The following THADA variants were observed in gnomAD, a reference collection of about 807,000 sequenced individuals.
The protein encoded by THADA is tRNA (32-2'-O)-methyltransferase regulator THADA.
In THADA, 213 loss-of-function variants were observed where a neutral mutation model predicts 219.8. That is an observed-to-expected ratio of 0.97 (90% CI 0.87 to 1.09). The LOEUF (loss-of-function observed/expected upper bound fraction) is 1.09. THADA is among the 50% of genes least tolerant of loss of function. The pLI is 0.00. For missense variants in THADA, 2,956 were observed against 2,311.3 expected (o/e 1.28, Z -5.72); for synonymous variants, 1,018 against 828.9 (o/e 1.23, Z -3.92).
intron 31 of THADA, among the ~76,000 whole-genome samples, chr2:43,312,939 T>G (rs1238298338): frequency 1.3e-5 from 2 of 152,178 alleles, no homozygotes; most frequent in Non-Finnish European, 2.9e-5. Context: ...TTTGTTAAAA[T>G]GGAAATAGTT....
chr2:43,344,759 G>GTTTT lies in THADA; in HGVS notation c.4228-526_4228-523dup, dbSNP rs1242915350. Among the ~76,000 whole-genome samples the GTTTT allele has an allele frequency of 1.3e-5, 2 of 149,386 alleles. 1 individual carries two copies. Among genetic ancestry groups the GTTTT allele is most frequent in the African/African-American group, 5.0e-5 (2 of 40,186 alleles). ...GCAGTGATGTTTGTAACTATTTAGG[G>GTTTT]TTTTTTTTGTTTTTTTTTTTTAGCA... On this transcript the variant is annotated intron_variant, in intron 29 of 37. Transcript: ENST00000405975.
intron 34 of THADA, among the ~76,000 whole-genome samples, chr2:43,290,404 T>C (rs1674556732): frequency 6.6e-6 from 1 of 152,108 alleles, no homozygotes; most frequent in African/African-American, 2.4e-5. Context: ...CTCCCTGGCT[T>C]GCCTTTGAGT....
At chr2:43,576,603 T>C (rs1699883936) in intron 10 of THADA, among the ~76,000 whole-genome samples, 1 of 152,228 alleles carries the variant, frequency 6.6e-6, no homozygotes, top group Non-Finnish European at 1.5e-5. Flanking sequence ...ATTGAAAATG[T>C]TAAAAATTAA....
chr2:43,295,237 A>C (rs1675232781), intron 31 of THADA, among the ~76,000 whole-genome samples: 1 of 152,274 alleles, frequency 6.6e-6, no homozygotes, highest in Non-Finnish European at 1.5e-5. Context: ...GTAGTTGGCA[A>C]ACTTCAATTT....
chr2:43,459,344 C>G (rs921762933), intron 26 of THADA, among the ~76,000 whole-genome samples: 1 of 151,598 alleles, frequency 6.6e-6, no homozygotes, highest in African/African-American at 2.4e-5. Flanking sequence ...CTCCCCCAAT[C>G]CCAGATTATA....
chr2:43,320,650 C>A, intron 30 of THADA, 110 bp from the exon 31 acceptor site: 1 of 672,168 alleles, frequency 1.5e-6, no homozygotes, highest in Non-Finnish European at 2.5e-6. Context: ...GCTTAAGCAG[C>A]TATGGCAAAT....
chr2:43,490,358 C>A (rs996351229), intron 25 of THADA, among the ~76,000 whole-genome samples: 4 of 152,134 alleles, frequency 2.6e-5, no homozygotes, highest in Non-Finnish European at 4.4e-5. Context: ...CTACTAGGAA[C>A]TCCAGTACAA....
At chr2:43,556,262 T>C (rs1170361355) in intron 17 of THADA, 83 bp downstream of exon 17, 21 of 1,540,382 alleles carry the variant, frequency 1.4e-5, no homozygotes, top group African/African-American at 1.2e-4. Context: ...CCACAAAATA[T>C]ATGTTTAACC....
At position 43,508,574 on chromosome 2, in the gene THADA, C is replaced by T. The variant is rs6761129; in HGVS notation, c.3507+74G>A. On this transcript the variant is annotated intron_variant, in intron 23 of 37. Transcript: ENST00000405975. ...TTTATGTGTAATACGCTCACTCACACGTCAAACAGGTTAGGATACACTATC... is the reference window on the plus strand; with the variant it reads ...TTTATGTGTAATACGCTCACTCACATGTCAAACAGGTTAGGATACACTATC... 0.12 allele frequency: 171,480 copies of T among 1,464,228 alleles called. 12,734 individuals are homozygous for T. Among genetic ancestry groups the T allele is most frequent in the African/African-American group, 0.35 (24,999 of 70,994 alleles). The allele number at this position is 1,464,228 out of a possible 1,614,324, so 90.7% of individuals were successfully genotyped here. A position where few individuals can be genotyped will look rare whatever the true frequency, so the allele number is the denominator to read the frequency against.
chr2:43,262,637 GT>G (rs1458428713), intron 36 of THADA, among the ~76,000 whole-genome samples: 2 of 152,126 alleles, frequency 1.3e-5, no homozygotes, highest in Non-Finnish European at 2.9e-5. Context: ...CTAAGTTCGT[GT>G]TTTTTTCCTT....
chr2:43,288,326 G>A (rs1239769248), intron 34 of THADA, among the ~76,000 whole-genome samples: 1 of 152,230 alleles, frequency 6.6e-6, no homozygotes, highest in Non-Finnish European at 1.5e-5. Flanking sequence ...GCTGAGGCAT[G>A]GGAACTGCTT....
chr2:43,529,308 G>T (rs370424404), intron 21 of THADA, among the ~76,000 whole-genome samples: 10 of 152,122 alleles, frequency 6.6e-5, no homozygotes, highest in Non-Finnish European at 8.8e-5. Context: ...AGCTAGGACT[G>T]TAAGTGTATG....
chr2:43,359,077 T>C (rs552225348), intron 29 of THADA, among the ~76,000 whole-genome samples: 3 of 152,314 alleles, frequency 2.0e-5, no homozygotes, highest in African/African-American at 7.2e-5. Flanking sequence ...GGAACATCTG[T>C]TGCATCCATT....
chr2:43,281,521 A>G (rs1217307873), intron 35 of THADA, among the ~76,000 whole-genome samples: 5 of 148,266 alleles, frequency 3.4e-5, no homozygotes, highest in Non-Finnish European at 7.4e-5. Flanking sequence ...GGCTCACCGC[A>G]ACCTCCACCT....
rs572727900 is a variant in THADA at position 43,428,193 on chromosome 2, A to G, written c.3965T>C (p.Leu1322Pro). Residue 1322 changes from leucine to proline, a missense_variant, in exon 28 of 38, where the codon CTC (leucine) becomes CCC (proline). Transcript: ENST00000405975. ...GAGTCTCTCCAACACCAAAAGTAAG[A>G]GAAACATGCTTGGATGACGATTTGG... Reference protein sequence around the residue: ...GEPNRHPSMFLLLLVLERLYA... With the variant: ...GEPNRHPSMFPLLLVLERLYA... The G allele has an allele frequency of 5.6e-6, 9 of 1,607,342 alleles. No individual in the cohort carries two copies. The South Asian group carries it at 8.9e-5, about 16-fold the overall frequency.
intron 24 of THADA, among the ~76,000 whole-genome samples, chr2:43,505,419 A>C (rs1439929174): frequency 6.6e-6 from 1 of 152,212 alleles, no homozygotes; most frequent in Non-Finnish European, 1.5e-5. Context: ...TTTTGTTAAA[A>C]AATAAAGCAA....
rs572931473 is a variant in THADA, at chr2:43,563,250, G to C, written c.2312-2865C>G. ...ATAAGTTTTCGTACGTTGTATTTTT[G>C]CTTTCATTCATCTCAAAATATTTTC... is the stretch of plus-strand genomic sequence containing the variant. On this transcript the variant is annotated intron_variant, in intron 15 of 37. Coordinates refer to ENST00000405975, the MANE Select transcript of THADA (RefSeq NM_022065.5). The C allele has an allele frequency of 2.0e-5, 3 of 152,154 alleles. No individual in the cohort carries two copies. In the South Asian group the frequency reaches 6.2e-4, roughly 32 times the overall value. 9.4% of individuals were successfully genotyped at this position (152,154 alleles called of 1,614,324 possible). A position where few individuals can be genotyped will look rare whatever the true frequency, so the allele number is the denominator to read the frequency against.
chr2:43,391,180 C>T (rs1009884502), intron 29 of THADA, among the ~76,000 whole-genome samples: 1 of 152,174 alleles, frequency 6.6e-6, no homozygotes, highest in Admixed American at 6.5e-5. Flanking sequence ...TACACACACA[C>T]TCTATCTCTC....
At chr2:43,291,620 C>T (rs374605404) in intron 34 of THADA, 76 bp downstream of exon 34, 11 of 1,162,030 alleles carry the variant, frequency 9.5e-6, no homozygotes, top group Non-Finnish European at 1.3e-5. Context: ...TAAGACTGTT[C>T]ACTTTTACTG....
Sources: allele counts gnomAD v4.1 joint callset (sites outside exome capture counted in the v4.1 genomes callset), GRCh38; gene constraint gnomAD v4.1.1; transcripts MANE v1.5; gene names NCBI Gene and HGNC (gene_info 2026-07-23, HGNC 2026-07-21).